PWWP2A: variants seen among roughly 807,000 people sequenced by gnomAD.
The protein encoded by PWWP2A is PWWP domain containing 2A.
A neutral mutation model predicts 48.5 loss-of-function variants in PWWP2A; 18 were observed. That is an observed-to-expected ratio of 0.37 (90% CI 0.26 to 0.55). The LOEUF is 0.55. Among genes scored for constraint, PWWP2A ranks in the 20% least tolerant of loss-of-function variants. PWWP2A has a pLI of 0.81. For missense variants in PWWP2A, 867 were observed against 976.4 expected (o/e 0.89, Z 1.49); for synonymous variants, 396 against 387.7 (o/e 1.02, Z -0.25).
At chr5:160,074,945 TA>T (rs5872627), downstream of PWWP2A, among the ~76,000 whole-genome samples, 31 of 149,010 alleles carry the variant, frequency 2.1e-4, no homozygotes, top group Admixed American at 2.7e-4. Context: ...TTATTTAAAT[TA>T]AAAAAAAAAA....
At chr5:160,107,631 G>T in intron 1 of PWWP2A, among the ~76,000 whole-genome samples, 1 of 152,178 alleles carries the variant, frequency 6.6e-6, no homozygotes, top group Admixed American at 6.6e-5. Context: ...ATCTTAGGAA[G>T]ATTAGACCTT....
At chr5:160,064,205 G>A (rs1344264323) in intron 4 of PWWP2A, among the ~76,000 whole-genome samples, 3 of 151,858 alleles carry the variant, frequency 2.0e-5, no homozygotes, top group Non-Finnish European at 4.4e-5. Flanking sequence ...CTGACCTCAG[G>A]TGATCCACCC....
chr5:160,056,412 T>C, the PWWP2A span, among the ~76,000 whole-genome samples: 1 of 152,202 alleles, frequency 6.6e-6, no homozygotes, highest in African/African-American at 2.4e-5. Flanking sequence ...GAATTAAGAA[T>C]ACCATCTGGA....
At chr5:160,059,382 T>A (rs1478091209), downstream of PWWP2A, among the ~76,000 whole-genome samples, 1 of 152,246 alleles carries the variant, frequency 6.6e-6, no homozygotes, top group Non-Finnish European at 1.5e-5. Context: ...TGAAGAAAGT[T>A]AGGGCCTTGC....
the PWWP2A span, among the ~76,000 whole-genome samples, chr5:160,045,807 A>T: frequency 6.6e-6 from 1 of 151,896 alleles, no homozygotes; most frequent in Admixed American, 6.6e-5. Flanking sequence ...CAGTGGTGCC[A>T]TCTTGGCTCA....
At chr5:160,111,229 A>ACTCCT (rs1757536739) in intron 1 of PWWP2A, among the ~76,000 whole-genome samples, 2 of 152,096 alleles carry the variant, frequency 1.3e-5, no homozygotes, top group African/African-American at 4.8e-5. Context: ...GTGCAATAGC[A>ACTCCT]TGATCTCAGC....
At chr5:160,118,471 A>G (rs573238762) in intron 1 of PWWP2A, among the ~76,000 whole-genome samples, 1 of 131,204 alleles carries the variant, frequency 7.6e-6, no homozygotes, top group African/African-American at 2.9e-5. Flanking sequence ...ATCCATCTGC[A>G]TCTTGCATTA....
At chr5:160,072,343 A>T (rs565626691), downstream of PWWP2A, among the ~76,000 whole-genome samples, 16 of 151,696 alleles carry the variant, frequency 1.1e-4, no homozygotes, top group East Asian at 1.9e-3. Context: ...AAAGTCAATT[A>T]AAAAAAATGG....
chr5:160,058,474 G>A (rs753929345), downstream of PWWP2A, among the ~76,000 whole-genome samples: 2 of 148,922 alleles, frequency 1.3e-5, no homozygotes, highest in Non-Finnish European at 3.0e-5. Context: ...GCAGTGGTGC[G>A]ATCTCGGCTC....
downstream of PWWP2A, among the ~76,000 whole-genome samples, chr5:160,088,331 C>T (rs1754804457): frequency 6.6e-6 from 1 of 152,044 alleles, no homozygotes; most frequent in African/African-American, 2.4e-5. Context: ...CTCTCGAGTT[C>T]AAGCAATTCT....
chr5:160,070,473 T>C (rs1753715650), intron 2 of PWWP2A, among the ~76,000 whole-genome samples: 1 of 151,544 alleles, frequency 6.6e-6, no homozygotes, highest in Admixed American at 6.6e-5. Context: ...ACCCTGTCTC[T>C]GAAAGAAAAA....
chr5:160,051,744 G>C, the PWWP2A span, among the ~76,000 whole-genome samples: 1 of 152,150 alleles, frequency 6.6e-6, no homozygotes, highest in South Asian at 2.1e-4. Flanking sequence ...AAGCATTTTA[G>C]AGTTGGAACC....
chr5:160,095,076 A>AAAAAAAAAAG (rs1485044426), intron 1 of PWWP2A, among the ~76,000 whole-genome samples: 1 of 146,662 alleles, frequency 6.8e-6, no homozygotes, highest in Non-Finnish European at 1.5e-5. Flanking sequence ...AAAAAAAAAA[A>AAAAAAAAAAG]AGACTACTTA....
chr5:160,090,132 C>A (rs910764852), downstream of PWWP2A: 1 of 985,008 alleles, frequency 1.0e-6, no homozygotes, highest in Non-Finnish European at 1.2e-6. Flanking sequence ...AAGGTGTGTT[C>A]TACAAAACTG....
intron 1 of PWWP2A, among the ~76,000 whole-genome samples, chr5:160,104,073 G>A (rs1301307953): frequency 2.3e-5 from 3 of 128,852 alleles, no homozygotes; most frequent in Non-Finnish European, 3.1e-5. Flanking sequence ...GCAGTGACCC[G>A]GGATGCACCA....
downstream of PWWP2A, among the ~76,000 whole-genome samples, chr5:160,071,951 C>T (rs1753749213): frequency 6.6e-6 from 1 of 152,204 alleles, no homozygotes; most frequent in Admixed American, 6.5e-5. Flanking sequence ...ATACTCTGTA[C>T]TTGATACATA....
At chr5:160,086,595 A>G (rs909241072), downstream of PWWP2A, among the ~76,000 whole-genome samples, 3 of 152,060 alleles carry the variant, frequency 2.0e-5, no homozygotes, top group African/African-American at 7.2e-5. Context: ...TGTGTTTTTA[A>G]CATCAAGGCT....
At chr5:160,118,328 T>C (rs1758340066) in intron 1 of PWWP2A, among the ~76,000 whole-genome samples, 1 of 152,190 alleles carries the variant, frequency 6.6e-6, no homozygotes, top group South Asian at 2.1e-4. Flanking sequence ...GGTAACCTTT[T>C]GGGAACCCCA....
the PWWP2A span, among the ~76,000 whole-genome samples, chr5:160,048,995 C>G: frequency 6.6e-6 from 1 of 152,104 alleles, no homozygotes; most frequent in Non-Finnish European, 1.5e-5. Flanking sequence ...CACTTGAACT[C>G]TGTTCTGGCC....
Sources: allele counts gnomAD v4.1 joint callset (sites outside exome capture counted in the v4.1 genomes callset), GRCh38; gene constraint gnomAD v4.1.1; transcripts MANE v1.5; gene names NCBI Gene and HGNC (gene_info 2026-07-23, HGNC 2026-07-21).